LYPLAL1: variants seen among roughly 807,000 people sequenced by gnomAD.
LYPLAL1 encodes lysophospholipase-like protein 1.
Under a neutral mutation model 19.7 loss-of-function variants are expected in LYPLAL1, and 23 were observed. The ratio of observed to expected loss-of-function variants is 1.17; its 90% CI spans 0.84 to 1.65. The LOEUF (loss-of-function observed/expected upper bound fraction) is 1.65. LYPLAL1 is among the 40% of genes most tolerant of loss of function. The pLI is 0.00. For synonymous variants in LYPLAL1, 119 were observed against 96.3 expected, an observed-to-expected ratio of 1.24 and a Z score of -1.38; for missense variants, 355 against 279.4, an observed-to-expected ratio of 1.27 and a Z score of -1.93.
chr1:219,290,317 G>A, the LYPLAL1 span, among the ~76,000 whole-genome samples: 1 of 152,130 alleles, frequency 6.6e-6, no homozygotes, highest in South Asian at 2.1e-4. Flanking sequence ...TTGAGTGAGG[G>A]CTAGGAAAAA....
the LYPLAL1 span, chr1:219,271,849 A>G: frequency 2.0e-5 from 3 of 152,242 alleles, no homozygotes; most frequent in African/African-American, 7.2e-5. Flanking sequence ...CTAAACAACT[A>G]TAAAGCTGGA....
intron 3 of LYPLAL1, among the ~76,000 whole-genome samples, chr1:219,202,516 T>TTG (rs1382097624): frequency 2.0e-5 from 3 of 152,254 alleles, no homozygotes; most frequent in African/African-American, 7.2e-5. Context: ...TTTTATACTT[T>TTG]TGTACAGTGT....
At chr1:219,276,275 G>A in the LYPLAL1 span, among the ~76,000 whole-genome samples, 1 of 151,968 alleles carries the variant, frequency 6.6e-6, no homozygotes, top group South Asian at 2.1e-4. Flanking sequence ...ATTGCTTCAG[G>A]AAATGAAGGC....
At chr1:219,215,631 G>A (rs895706643), downstream of LYPLAL1, among the ~76,000 whole-genome samples, 3 of 152,096 alleles carry the variant, frequency 2.0e-5, no homozygotes, top group Non-Finnish European at 4.4e-5. Context: ...CCTATCAAAT[G>A]TAGCCAGCTT....
At chr1:219,308,472 C>T in the LYPLAL1 span, among the ~76,000 whole-genome samples, 37 of 152,318 alleles carry the variant, frequency 2.4e-4, no homozygotes, top group East Asian at 5.2e-3. Flanking sequence ...TTGCAACAGC[C>T]TCTCCCATCA....
chr1:219,374,548 C>T, the LYPLAL1 span, among the ~76,000 whole-genome samples: 2 of 151,920 alleles, frequency 1.3e-5, no homozygotes, highest in South Asian at 4.1e-4. Flanking sequence ...CACCTTAACC[C>T]ACTTCTTTGT....
chr1:219,305,713 G>T, the LYPLAL1 span, among the ~76,000 whole-genome samples: 11 of 152,302 alleles, frequency 7.2e-5, no homozygotes, highest in African/African-American at 2.2e-4. Flanking sequence ...CTTACTCTGT[G>T]TTGGGTGCTG....
the LYPLAL1 span, among the ~76,000 whole-genome samples, chr1:219,238,534 T>C: frequency 5.5e-4 from 83 of 152,018 alleles, no homozygotes; most frequent in Non-Finnish European, 8.2e-4. Context: ...ATATGTTTTC[T>C]AGAACTTCAT....
the LYPLAL1 span, among the ~76,000 whole-genome samples, chr1:219,346,477 T>TC: frequency 2.1e-5 from 3 of 143,752 alleles, no homozygotes; most frequent in African/African-American, 2.7e-5. Flanking sequence ...TTTTTTTTTT[T>TC]CAAAAAAGCC....
the LYPLAL1 span, chr1:219,409,489 C>G: frequency 1.4e-5 from 1 of 70,422 alleles, no homozygotes; most frequent in East Asian, 4.1e-4. Flanking sequence ...TATTAAACAA[C>G]CTGAAAAGAG....
chr1:219,255,521 T>A, the LYPLAL1 span, among the ~76,000 whole-genome samples: 3 of 151,960 alleles, frequency 2.0e-5, no homozygotes, highest in Admixed American at 6.6e-5. Context: ...GGGTTTTCTA[T>A]GTTTAAAATC....
chr1:219,221,261 C>T, the LYPLAL1 span, among the ~76,000 whole-genome samples: 10 of 152,218 alleles, frequency 6.6e-5, no homozygotes, highest in Admixed American at 3.9e-4. Flanking sequence ...TCAGCTTAGC[C>T]GAAGCATTGG....
the LYPLAL1 span, among the ~76,000 whole-genome samples, chr1:219,433,653 T>G: frequency 6.6e-6 from 1 of 152,242 alleles, no homozygotes. Flanking sequence ...GCCATGCTCC[T>G]GCTGACAAAC....
At chr1:219,174,477 G>A (rs1655642256) in intron 1 of LYPLAL1, among the ~76,000 whole-genome samples, 1 of 152,132 alleles carries the variant, frequency 6.6e-6, no homozygotes, top group South Asian at 2.1e-4. Context: ...GTAAGCCACT[G>A]TGCCATGGCT....
chr1:219,195,183 A>T (rs1657506597), intron 3 of LYPLAL1, among the ~76,000 whole-genome samples: 1 of 152,128 alleles, frequency 6.6e-6, no homozygotes, highest in South Asian at 2.1e-4. Context: ...ACTCTCAGTA[A>T]ATACTCTGTT....
the LYPLAL1 span, among the ~76,000 whole-genome samples, chr1:219,327,160 CCTT>C: frequency 6.6e-6 from 1 of 152,128 alleles, no homozygotes; most frequent in Non-Finnish European, 1.5e-5. Flanking sequence ...TAATCGTACA[CCTT>C]CTACTGATGT....
the LYPLAL1 span, among the ~76,000 whole-genome samples, chr1:219,289,128 C>T: frequency 3.5e-5 from 5 of 142,286 alleles, no homozygotes; most frequent in East Asian, 6.3e-4. Context: ...GCACAGGACC[C>T]GAGGATGTGT....
chr1:219,182,772 A>G (rs1656397851), intron 2 of LYPLAL1, among the ~76,000 whole-genome samples: 1 of 152,026 alleles, frequency 6.6e-6, no homozygotes, highest in South Asian at 2.1e-4. Context: ...TGTTATTCCT[A>G]TAAGGTATAT....
chr1:219,298,838 C>T, the LYPLAL1 span, among the ~76,000 whole-genome samples: 16 of 152,256 alleles, frequency 1.1e-4, no homozygotes, highest in African/African-American at 2.4e-4. Context: ...AGGTCTAAGA[C>T]GGAAGGAATT....
Sources: allele counts gnomAD v4.1 joint callset (sites outside exome capture counted in the v4.1 genomes callset), GRCh38; gene constraint gnomAD v4.1.1; transcripts MANE v1.5; gene names NCBI Gene and HGNC (gene_info 2026-07-23, HGNC 2026-07-21).